The following ARHGEF10 variants were observed in gnomAD, a reference collection of about 807,000 sequenced individuals.
ARHGEF10 encodes Rho guanine nucleotide exchange factor (GEF) 10.
In ARHGEF10, 140 loss-of-function variants were observed where a neutral mutation model predicts 147.4. That is an observed-to-expected ratio of 0.95 (90% CI 0.83 to 1.09). The LOEUF (loss-of-function observed/expected upper bound fraction) is 1.09. Among genes scored for constraint, ARHGEF10 ranks in the 50% least tolerant of loss-of-function variants. The pLI, the probability that ARHGEF10 is intolerant of heterozygous loss-of-function variation, is 0.00. For missense variants in ARHGEF10, 2,222 were observed against 1,752.7 expected (o/e 1.27, Z -4.78); for synonymous variants, 902 against 695.8 (o/e 1.30, Z -4.67).
intron 7 of ARHGEF10, among the ~76,000 whole-genome samples, chr8:1,871,828 C>G (rs1585336509): frequency 6.6e-6 from 1 of 152,008 alleles, no homozygotes; most frequent in Non-Finnish European, 1.5e-5. Flanking sequence ...AAAAACAAAA[C>G]AAAACAAACA....
At chr8:1,850,141 G>A (rs1804967699) in intron 2 of ARHGEF10, among the ~76,000 whole-genome samples, 1 of 139,194 alleles carries the variant, frequency 7.2e-6, no homozygotes, top group African/African-American at 2.6e-5. Flanking sequence ...ATGCTGAGGA[G>A]GGTGTGGGGC....
chr8:1,894,795 C>T (rs1294566430), intron 13 of ARHGEF10, among the ~76,000 whole-genome samples: 1 of 152,216 alleles, frequency 6.6e-6, no homozygotes, highest in Non-Finnish European at 1.5e-5. Context: ...AAGGCAGACA[C>T]TGGACAGAAG....
chr8:1,843,285 GCCCTACAC>G (rs1804233384), intron 1 of ARHGEF10, 60 bp from the exon 2 acceptor site: 2 of 1,252,410 alleles, frequency 1.6e-6, no homozygotes, highest in African/African-American at 3.0e-5. Context: ...TCTGTCGACA[GCCCTACAC>G]CTATTGAGTG....
intron 1 of ARHGEF10, among the ~76,000 whole-genome samples, chr8:1,839,383 G>A (rs1182127188): frequency 1.5e-5 from 2 of 136,370 alleles, no homozygotes; most frequent in South Asian, 5.0e-4. Context: ...AAGCTGTCTG[G>A]TGTGGGACTG....
intron 26 of ARHGEF10, among the ~76,000 whole-genome samples, chr8:1,944,268 A>C (rs1814374792): frequency 6.6e-6 from 1 of 151,368 alleles, no homozygotes; most frequent in African/African-American, 2.4e-5. Context: ...CTCCCTCGGG[A>C]CCCCAGCCCT....
At chr8:1,887,135 G>A (rs930917723) in intron 11 of ARHGEF10, among the ~76,000 whole-genome samples, 1 of 152,332 alleles carries the variant, frequency 6.6e-6, no homozygotes, top group Non-Finnish European at 1.5e-5. Flanking sequence ...ACCTATTCTG[G>A]TGAGGACACA....
chr8:1,867,662 G>A (rs898005334), intron 6 of ARHGEF10, among the ~76,000 whole-genome samples: 4 of 152,060 alleles, frequency 2.6e-5, no homozygotes, highest in Non-Finnish European at 5.9e-5. Context: ...TCCCACCTGC[G>A]GCTTCAAAGG....
intron 18 of ARHGEF10, among the ~76,000 whole-genome samples, chr8:1,920,918 G>C (rs1812235031): frequency 6.6e-6 from 1 of 152,070 alleles, no homozygotes; most frequent in African/African-American, 2.4e-5. Flanking sequence ...CTCCCGAGTA[G>C]GTGGGATTAC....
At chr8:1,838,754 C>A (rs1470716801) in intron 1 of ARHGEF10, among the ~76,000 whole-genome samples, 1 of 151,396 alleles carries the variant, frequency 6.6e-6, no homozygotes, top group African/African-American at 2.4e-5. Context: ...GCGTGGGGGC[C>A]ATCTGGCATG....
At chr8:1,872,739 T>A (rs1198528580) in intron 7 of ARHGEF10, among the ~76,000 whole-genome samples, 1 of 152,226 alleles carries the variant, frequency 6.6e-6, no homozygotes, top group Non-Finnish European at 1.5e-5. Flanking sequence ...TCTTAAAATC[T>A]ACCGCCAACG....
Position 1,834,685 on chromosome 8 carries a change from G to A in ARHGEF10, c.-47-8668G>A, listed in dbSNP as rs73538746. Among the ~76,000 whole-genome samples the A allele has an allele frequency of 9.1e-3, 1,387 of 152,338 alleles. 17 individuals are homozygous for A. The highest frequency in any genetic ancestry group is 0.032 in the African/African-American group (1,322 of 41,558). On this transcript the variant is annotated intron_variant, in intron 1 of 28. Transcript: ENST00000349830. The stretch of plus-strand genomic sequence containing the variant: ...AGGACTGGCGTGTTTGGCTTGCTGC[G>A]GTGTTTGGTTGAGTTAACCATGACA...
chr8:1,869,991 G>A (rs530785230), intron 7 of ARHGEF10: 2 of 154,808 alleles, frequency 1.3e-5, no homozygotes, highest in African/African-American at 4.8e-5. Flanking sequence ...CTCGCTGCAG[G>A]GAAGAGCACA....
intron 17 of ARHGEF10, among the ~76,000 whole-genome samples, chr8:1,908,387 C>T (rs1811077884): frequency 6.6e-6 from 1 of 151,994 alleles, no homozygotes; most frequent in Non-Finnish European, 1.5e-5. Context: ...CCCACCACCA[C>T]ACCCAGCTAA....
In ARHGEF10 at chr8:1,858,063, A is replaced by G. The variant is rs4875950; in HGVS notation, c.141A>G (p.Pro47=). ...TCCCAGAAGCGGACAGACAGGCCCC[A>G]TCCGCCCCTGAGACAGGAGGTGCTG... ...DEIPEADRQA[P]SAPETGGAGA... The change falls in exon 3 of 29, where the codon CCA becomes CCG. Residue 47 remains proline, a synonymous_variant. Coordinates refer to ENST00000349830, the MANE Select transcript of ARHGEF10 (RefSeq NM_014629.4). 3.0e-5 allele frequency: 48 copies of G among 1,613,892 alleles called. No individual in the cohort carries two copies. The African/African-American group carries it at 6.1e-4, about 21-fold the overall frequency.
chr8:1,849,946 A>G (rs1585258378), intron 2 of ARHGEF10, among the ~76,000 whole-genome samples: 1 of 134,912 alleles, frequency 7.4e-6, no homozygotes, highest in East Asian at 2.3e-4. Context: ...GCGTGGACAC[A>G]GAGGGCAAAT....
At chr8:1,841,982 G>C (rs1220468882) in intron 1 of ARHGEF10, among the ~76,000 whole-genome samples, 38 of 45,776 alleles carry the variant, frequency 8.3e-4, no homozygotes, top group South Asian at 2.2e-3. Flanking sequence ...GGGCCGCGGC[G>C]GGAACTGGGG....
At chr8:1,914,089 A>G (rs986556864) in intron 18 of ARHGEF10, among the ~76,000 whole-genome samples, 1 of 152,238 alleles carries the variant, frequency 6.6e-6, no homozygotes, top group Non-Finnish European at 1.5e-5. Flanking sequence ...GCAAAGAACC[A>G]GCACCAAGGA....
chr8:1,894,495 C>G lies in ARHGEF10; in HGVS notation c.1363C>G (p.Leu455Val). ...CAAAGAGATCCTGCAGTGCCACTCG[C>G]TATTTCAGATCGCGCTGGCCAGCCG... ...RVKEILQCHS[L>V]FQIALASRVS... Residue 455 changes from leucine (L) to valine (V), a missense_variant, in exon 13 of 29, where the codon CTA (leucine) becomes GTA (valine). Coordinates refer to ENST00000349830, the MANE Select transcript of ARHGEF10 (RefSeq NM_014629.4). The G allele has an allele frequency of 6.2e-7, 1 of 1,614,232 alleles. No homozygotes were observed. Among genetic ancestry groups the G allele is most frequent in the Non-Finnish European group, 8.5e-7 (1 of 1,180,040 alleles).
At chr8:1,840,257 G>A (rs1478520227) in intron 1 of ARHGEF10, among the ~76,000 whole-genome samples, 1 of 138,950 alleles carries the variant, frequency 7.2e-6, no homozygotes, top group African/African-American at 2.9e-5. Context: ...GGACTGTCCG[G>A]TGTGGAATCT....
Sources: gnomAD v4.1 joint callset for allele counts (sites outside exome capture counted in the v4.1 genomes callset) on GRCh38, gnomAD v4.1.1 for gene constraint, MANE v1.5 for transcripts, NCBI Gene and HGNC (gene_info 2026-07-23, HGNC 2026-07-21) for gene names.